The following SMC6 variants were observed in gnomAD, a reference collection of about 807,000 sequenced individuals.
The protein encoded by SMC6 is structural maintenance of chromosomes 6.
SMC6 carries 79 observed loss-of-function variants against 142.2 expected under a neutral mutation model. The ratio of observed to expected loss-of-function variants is 0.56; its 90% confidence interval spans 0.46 to 0.67. SMC6 has a LOEUF of 0.67. Ranked by LOEUF, SMC6 falls within the 30% of genes least tolerant of loss-of-function variation. The pLI is 0.00. For synonymous variants in SMC6, 411 were observed against 412.4 expected (o/e 1.00, Z 0.04); for missense variants, 1,072 against 1,284.0 (o/e 0.83, Z 2.52).
intron 21 of SMC6, 52 bp from the exon 22 acceptor site, chr2:17,696,478 A>C (rs761052995): frequency 6.4e-7 from 1 of 1,568,950 alleles, no homozygotes; most frequent in Non-Finnish European, 8.6e-7. Flanking sequence ...TTTCCAGCAT[A>C]GGTATAAAGA....
Position 17,721,303 on chromosome 2 carries a change from T to C in SMC6, c.727-42A>G, listed in dbSNP as rs759349633. ...AGAACGGACGTATTTTTTATTAATGTTGAAAAAACACATTTTTGCAAATCT... is the reference window on the plus strand; with the variant it reads ...AGAACGGACGTATTTTTTATTAATGCTGAAAAAACACATTTTTGCAAATCT... On this transcript the variant is annotated intron_variant, in intron 9 of 27. Coordinates refer to ENST00000448223, the MANE Select transcript of SMC6 (RefSeq NM_001142286.2). 2.0e-6 allele frequency: 3 copies of C among 1,510,390 alleles called. No homozygotes were observed. The South Asian group carries it at 4.1e-5, about 21-fold the overall frequency. 93.6% of individuals were successfully genotyped at this position (1,510,390 alleles called of 1,614,324 possible). A position where few individuals can be genotyped will look rare whatever the true frequency, so the allele number is the denominator to read the frequency against.
chr2:17,751,080 T>C (rs1278760236), intron 2 of SMC6, among the ~76,000 whole-genome samples: 1 of 151,826 alleles, frequency 6.6e-6, no homozygotes, highest in Non-Finnish European at 1.5e-5. Flanking sequence ...GTGTGCTTTA[T>C]AAAACTTCAT....
chr2:17,705,418 A>T (rs1668459614), intron 18 of SMC6, among the ~76,000 whole-genome samples: 1 of 152,076 alleles, frequency 6.6e-6, no homozygotes, highest in Non-Finnish European at 1.5e-5. Context: ...CTCCACAAAC[A>T]TTAGTTGGGC....
chr2:17,677,112 C>T (rs1017343354), intron 25 of SMC6, among the ~76,000 whole-genome samples: 1 of 152,180 alleles, frequency 6.6e-6, no homozygotes, highest in African/African-American at 2.4e-5. Context: ...GTGGACAGAA[C>T]TGCTTTCTTC....
At chr2:17,705,305 G>A (rs962558949) in intron 18 of SMC6, among the ~76,000 whole-genome samples, 13 of 151,250 alleles carry the variant, frequency 8.6e-5, no homozygotes, top group South Asian at 2.1e-4. Flanking sequence ...GGCTGGGTGC[G>A]GTGGCTTACC....
At chr2:17,730,603 CTTT>C (rs397870131) in intron 7 of SMC6, among the ~76,000 whole-genome samples, 9 of 134,656 alleles carry the variant, frequency 6.7e-5, no homozygotes, top group Admixed American at 7.4e-5. Context: ...TTAATAAATT[CTTT>C]TTTTTTTTTT....
At chr2:17,739,375 T>A (rs1670314151) in intron 4 of SMC6, among the ~76,000 whole-genome samples, 1 of 152,014 alleles carries the variant, frequency 6.6e-6, no homozygotes, top group Admixed American at 6.6e-5. Flanking sequence ...CCGGGCACAG[T>A]GGTTCACGCC....
At position 17,690,443 on chromosome 2, in the gene SMC6, A is replaced by G. The variant is rs554999719; in HGVS notation, c.2678+4709T>C. ...CTCCAGCTCTACTAAAAGTACAAAA[A>G]ATTAGCTGCACGTGGTGGTGCACGC... On this transcript the variant is annotated intron_variant, in intron 23 of 27. Coordinates refer to ENST00000448223, the MANE Select transcript of SMC6 (RefSeq NM_001142286.2). Among the ~76,000 whole-genome samples the G allele has an allele frequency of 9.2e-5, 14 of 152,146 alleles. No individual in the cohort carries two copies. In the South Asian group the frequency reaches 2.9e-3, roughly 32 times the overall value.
At chr2:17,693,866 T>C (rs540153361) in intron 23 of SMC6, among the ~76,000 whole-genome samples, 3 of 151,106 alleles carry the variant, frequency 2.0e-5, no homozygotes, top group East Asian at 2.0e-4. Context: ...CGTCGTGGCA[T>C]GTGCCTGTCT....
chr2:17,731,192 G>GA, intron 6 of SMC6, 53 bp from the exon 7 acceptor site: 2 of 1,201,910 alleles, frequency 1.7e-6, no homozygotes, highest in South Asian at 1.3e-5. Context: ...GCATAACACA[G>GA]AAAAAATGTA....
chr2:17,750,915 G>T (rs886692979), intron 2 of SMC6, among the ~76,000 whole-genome samples: 1 of 134,298 alleles, frequency 7.4e-6, no homozygotes, highest in African/African-American at 2.8e-5. Flanking sequence ...TGAGGCAGGA[G>T]AATCACTTGA....
intron 9 of SMC6, among the ~76,000 whole-genome samples, chr2:17,724,088 A>G (rs1241842466): frequency 1.3e-5 from 2 of 152,122 alleles, no homozygotes; most frequent in African/African-American, 4.8e-5. Flanking sequence ...AAACAAACAA[A>G]TTTATTTCAA....
intron 24 of SMC6, among the ~76,000 whole-genome samples, 157 bp downstream of exon 24, chr2:17,683,481 T>C (rs1667320675): frequency 6.6e-6 from 1 of 152,166 alleles, no homozygotes; most frequent in Non-Finnish European, 1.5e-5. Context: ...AAAGAGCCCT[T>C]CAGATTCGGA....
intron 16 of SMC6, 109 bp downstream of exon 16, chr2:17,714,752 T>A: frequency 8.6e-7 from 1 of 1,165,434 alleles, no homozygotes; most frequent in Non-Finnish European, 1.2e-6. Context: ...TGATGAAATT[T>A]TACAAATCAG....
Position 17,726,414 on chromosome 2 carries a change from G to C in SMC6, c.599C>G (p.Ser200Cys). The C allele has an allele frequency of 6.2e-7, 1 of 1,611,630 alleles. No homozygotes were observed. Residue 200 changes from serine to cysteine, a missense_variant, in exon 8 of 28, where the codon TCT becomes TGT. By Grantham distance (112) the Ser-to-Cys change is moderately radical (BLOSUM62 -1). This residue lies in a region of SMC6 where 994 missense variants were observed against 1,153.2 expected (regional missense o/e 0.86). Coordinates refer to ENST00000448223, the MANE Select transcript of SMC6 (RefSeq NM_001142286.2). ...TQEMSKQFLQ[S>C]KNEGDKYKFF... ...TTTGTATTTGTCTCCTTCATTTTTA[G>C]ACTGTAAGAACTGCTTGCTCATTTC...
intron 2 of SMC6, among the ~76,000 whole-genome samples, chr2:17,748,055 G>A (rs1470898400): frequency 6.6e-6 from 1 of 152,210 alleles, no homozygotes; most frequent in African/African-American, 2.4e-5. Context: ...CTAAAAGCAA[G>A]TCCATGATAC....
intron 2 of SMC6, among the ~76,000 whole-genome samples, chr2:17,752,534 C>T (rs1352936421): frequency 6.6e-6 from 1 of 152,178 alleles, no homozygotes; most frequent in African/African-American, 2.4e-5. Context: ...ACAATTCTGG[C>T]TTTTTGTGAT....
At chr2:17,748,883 AGGAATGT>A (rs1572370866) in intron 2 of SMC6, among the ~76,000 whole-genome samples, 1 of 152,358 alleles carries the variant, frequency 6.6e-6, no homozygotes, top group East Asian at 1.9e-4. Context: ...GCTTCTCACA[AGGAATGT>A]GAGATTCTAT....
At chr2:17,744,834 A>C (rs1670659065) in intron 3 of SMC6, among the ~76,000 whole-genome samples, 1 of 152,180 alleles carries the variant, frequency 6.6e-6, no homozygotes, top group South Asian at 2.1e-4. Flanking sequence ...GAGTGATATA[A>C]TCATGTGATT....
Sources: allele counts gnomAD v4.1 joint callset (sites outside exome capture counted in the v4.1 genomes callset), GRCh38; gene constraint gnomAD v4.1.1; regional missense constraint gnomAD v4.1.1; transcripts MANE v1.5; gene names NCBI Gene and HGNC (gene_info 2026-07-23, HGNC 2026-07-21).